C9: variants seen among roughly 807,000 people sequenced by gnomAD.
C9 encodes complement component C9.
Under a neutral mutation model 65.4 loss-of-function variants are expected in C9, and 63 were observed. The observed-to-expected ratio is 0.96, with a 90% CI of 0.79 to 1.19. The LOEUF is 1.19. Ranked by LOEUF, C9 falls within the 50% of genes most tolerant of loss-of-function variation. C9 has a pLI of 0.00. For missense variants in C9, 744 were observed against 670.1 expected (o/e 1.11, Z -1.22); for synonymous variants, 229 against 227.9 (o/e 1.00, Z -0.04).
chr5:39,343,692 G>A (rs1411470133), intron 1 of C9, among the ~76,000 whole-genome samples: 2 of 152,170 alleles, frequency 1.3e-5, no homozygotes, highest in African/African-American at 4.8e-5. Flanking sequence ...CTCCCAGCAT[G>A]GAGTTTGAGA....
chr5:39,301,893 T>C lies in C9; in HGVS notation c.1416+4724A>G, dbSNP rs1753290658. Among the ~76,000 whole-genome samples the C allele has an allele frequency of 3.9e-5, 6 of 152,132 alleles. No homozygotes were observed. The South Asian group carries it at 1.2e-3, about 31-fold the overall frequency. On this transcript the variant is annotated intron_variant, in intron 9 of 10. Coordinates refer to ENST00000263408, the MANE Select transcript of C9 (RefSeq NM_001737.5). The stretch of plus-strand genomic sequence containing the variant: ...CAGATTTCAACCATGTCATATTTAT[T>C]TGAAAGAAGGAAACCTCTCACCAAC...
chr5:39,311,692 C>A (rs1049256910), intron 6 of C9, among the ~76,000 whole-genome samples: 2 of 152,074 alleles, frequency 1.3e-5, no homozygotes, highest in Non-Finnish European at 2.9e-5. Flanking sequence ...TACATATTTA[C>A]CTAATAAAAA....
At chr5:39,324,879 A>G (rs1168500277) in intron 5 of C9, among the ~76,000 whole-genome samples, 1 of 151,782 alleles carries the variant, frequency 6.6e-6, no homozygotes, top group African/African-American at 2.4e-5. Flanking sequence ...CTAGATTCAG[A>G]GAGAGAAGAT....
chr5:39,339,652 T>G (rs1754034825), intron 4 of C9, among the ~76,000 whole-genome samples: 1 of 4,180 alleles, frequency 2.4e-4, no homozygotes. Flanking sequence ...CTTTTCTCTC[T>G]TTTTTTTTTT....
At chr5:39,309,233 T>C (rs189058084) in intron 7 of C9, among the ~76,000 whole-genome samples, 18 of 152,150 alleles carry the variant, frequency 1.2e-4, no homozygotes, top group African/African-American at 4.1e-4. Context: ...ACAATGTCAG[T>C]TTTTGCCGTT....
chr5:39,353,000 C>T (rs2111977885), intron 1 of C9, among the ~76,000 whole-genome samples: 1 of 152,220 alleles, frequency 6.6e-6, no homozygotes, highest in Non-Finnish European at 1.5e-5. Context: ...TTGTTGGGCC[C>T]ACTCTGATTA....
rs752437276 is a variant in C9, at chr5:39,308,284, CAG to C, written c.1184_1185del (p.Ser395CysfsTer4). On this transcript the variant is annotated frameshift_variant, in exon 8 of 11. Transcript: ENST00000263408. LOFTEE classifies it high-confidence loss of function. ...TCATCTTTATTAAATTCAGCTCCAA[CAG>C]AGATTTCAGAGAAAGCCAGAGATAC... Reference protein sequence around the residue: ...LDVSLAFSEISVGAEFNKDDC... With the variant: ...LDVSLAFSEIXVGAEFNKDDC... 1.3e-5 allele frequency: 21 copies of C among 1,611,024 alleles called. No homozygotes were observed. The highest frequency in any genetic ancestry group is 1.6e-4 in the Middle Eastern group (1 of 6,074).
intron 10 of C9, among the ~76,000 whole-genome samples, chr5:39,287,159 G>A (rs1329931729): frequency 6.6e-6 from 1 of 151,844 alleles, no homozygotes; most frequent in Non-Finnish European, 1.5e-5. Flanking sequence ...CATGACTAAA[G>A]TCATGTTTAC....
intron 9 of C9, among the ~76,000 whole-genome samples, chr5:39,300,018 G>A (rs187919866): frequency 1.2e-4 from 18 of 152,012 alleles, no homozygotes; most frequent in Admixed American, 6.6e-4. Context: ...TATTAGAAAA[G>A]GTTTGTTAGG....
chr5:39,346,567 T>G (rs1364828076), intron 1 of C9, among the ~76,000 whole-genome samples: 2 of 152,154 alleles, frequency 1.3e-5, no homozygotes, highest in Non-Finnish European at 2.9e-5. Context: ...ACCAGATGGA[T>G]TCACAGCTGA....
intron 4 of C9, among the ~76,000 whole-genome samples, chr5:39,339,505 A>C (rs1754030191): frequency 6.6e-6 from 1 of 152,038 alleles, no homozygotes; most frequent in Non-Finnish European, 1.5e-5. Context: ...AGGGTTTCTC[A>C]ACCTCGGCAC....
At chr5:39,316,738 A>G (rs1753575790) in intron 5 of C9, among the ~76,000 whole-genome samples, 1 of 151,558 alleles carries the variant, frequency 6.6e-6, no homozygotes, top group Non-Finnish European at 1.5e-5. Flanking sequence ...TTCTTTATCC[A>G]CTCTATCATT....
At chr5:39,296,316 T>C (rs530424509) in intron 9 of C9, among the ~76,000 whole-genome samples, 14 of 151,572 alleles carry the variant, frequency 9.2e-5, no homozygotes, top group Admixed American at 1.3e-4. Context: ...CTCAAACAAC[T>C]AACAACAACA....
chr5:39,311,458 C>T (rs763070366), intron 6 of C9, 81 bp from the exon 7 acceptor site: 110 of 1,363,772 alleles, frequency 8.1e-5, no homozygotes, highest in Non-Finnish European at 9.2e-5. Context: ...TTTAGAACTT[C>T]CATAGGCACT....
rs563621258 is a variant in C9 at position 39,362,474 on chromosome 5, A to G, written c.77+1914T>C. 1.6e-3 allele frequency among the ~76,000 whole-genome samples: 243 copies of G among 152,240 alleles called. 6 individuals carry two copies. The highest frequency in any genetic ancestry group is 5.4e-3 in the African/African-American group (224 of 41,554). ...GGACCCTTCCCAGAGTATCGGAGGGAGCACGGCCCTGCCAACACCTTGATT... is the reference window on the plus strand; with the variant it reads ...GGACCCTTCCCAGAGTATCGGAGGGGGCACGGCCCTGCCAACACCTTGATT... On this transcript the variant is annotated intron_variant, in intron 1 of 10. Coordinates refer to ENST00000263408, the MANE Select transcript of C9 (RefSeq NM_001737.5).
chr5:39,347,137 C>A lies in C9; in HGVS notation c.78-4941G>T, dbSNP rs184789368. On this transcript the variant is annotated intron_variant, in intron 1 of 10. Transcript: ENST00000263408. ...AAGACAGGGATGCCCTCTCTCACCA[C>A]CCCTATTCAACATAGTGTTGGAAGT... is the stretch of plus-strand genomic sequence containing the variant. Among the ~76,000 whole-genome samples the A allele has an allele frequency of 2.4e-3, 365 of 152,304 alleles. 1 individual carries two copies. Among genetic ancestry groups the A allele is most frequent in the African/African-American group, 8.5e-3 (352 of 41,550 alleles).
intron 4 of C9, among the ~76,000 whole-genome samples, chr5:39,334,091 AG>A (rs1169754078): frequency 6.8e-6 from 1 of 147,924 alleles, no homozygotes; most frequent in Non-Finnish European, 1.5e-5. Context: ...AGATGTGAGG[AG>A]CCCCTCTGCC....
chr5:39,319,722 T>G (rs148316493), intron 5 of C9, among the ~76,000 whole-genome samples: 2 of 151,978 alleles, frequency 1.3e-5, no homozygotes, highest in East Asian at 3.9e-4. Context: ...GCCAGCCCTA[T>G]TGGCCCCAGG....
At chr5:39,314,454 TAAATAAA>T (rs972607806) in intron 6 of C9, among the ~76,000 whole-genome samples, 1 of 151,140 alleles carries the variant, frequency 6.6e-6, no homozygotes, top group African/African-American at 2.4e-5. Context: ...TATCTCAAAA[TAAATAAA>T]TTAAATTAAA....
Sources: gnomAD v4.1 joint callset for allele counts (sites outside exome capture counted in the v4.1 genomes callset) on GRCh38, gnomAD v4.1.1 for gene constraint, MANE v1.5 for transcripts, NCBI Gene and HGNC (gene_info 2026-07-23, HGNC 2026-07-21) for gene names.